RMST: variants seen among roughly 807,000 people sequenced by gnomAD.
RMST encodes the protein long intergenic non-protein coding RNA 54.
intron 11 of RMST, among the ~76,000 whole-genome samples, chr12:97,551,540 G>T (rs544083915): frequency 6.6e-6 from 1 of 152,088 alleles, no homozygotes; most frequent in Non-Finnish European, 1.5e-5. Context: ...TCCACTCTTC[G>T]CTGAATAAGT....
At chr12:97,475,069 G>A (rs557123143) in intron 5 of RMST, among the ~76,000 whole-genome samples, 43 of 152,208 alleles carry the variant, frequency 2.8e-4, no homozygotes, top group Admixed American at 2.2e-3. Context: ...ATATTTAAAC[G>A]TGAAATCTAA....
intron 11 of RMST, among the ~76,000 whole-genome samples, chr12:97,550,722 A>G (rs889791706): frequency 2.6e-5 from 4 of 152,164 alleles, no homozygotes; most frequent in Non-Finnish European, 4.4e-5. Flanking sequence ...CCGTGCCACT[A>G]TGCATCTAGA....
At chr12:97,496,400 TA>T (rs201723744) in intron 10 of RMST, among the ~76,000 whole-genome samples, 2 of 148,456 alleles carry the variant, frequency 1.3e-5, no homozygotes, top group Non-Finnish European at 2.9e-5. Flanking sequence ...ATATCTGGGG[TA>T]AAAAAAATCC....
At chr12:97,493,564 G>T (rs1186780714) in intron 7 of RMST, among the ~76,000 whole-genome samples, 1 of 152,052 alleles carries the variant, frequency 6.6e-6, no homozygotes, top group Non-Finnish European at 1.5e-5. Context: ...CTGTAATTCA[G>T]ATCCTGTGAT....
At chr12:97,515,986 T>C (rs1879888707) in intron 10 of RMST, among the ~76,000 whole-genome samples, 2 of 152,082 alleles carry the variant, frequency 1.3e-5, no homozygotes, top group South Asian at 4.1e-4. Context: ...TATAAACTCT[T>C]TGTTGGTAAT....
At chr12:97,511,901 T>C (rs184356453) in intron 10 of RMST, among the ~76,000 whole-genome samples, 3 of 152,326 alleles carry the variant, frequency 2.0e-5, no homozygotes, top group Admixed American at 6.5e-5. Flanking sequence ...GTTTTAGCTA[T>C]TGGAAACAAT....
chr12:97,531,684 A>G (rs903955145), intron 11 of RMST, among the ~76,000 whole-genome samples: 2 of 151,994 alleles, frequency 1.3e-5, no homozygotes, highest in Non-Finnish European at 2.9e-5. Flanking sequence ...TCACACCACC[A>G]TTACAATATC....
At chr12:97,485,212 A>G (rs886605627) in intron 5 of RMST, among the ~76,000 whole-genome samples, 7 of 152,194 alleles carry the variant, frequency 4.6e-5, no homozygotes, top group Admixed American at 4.6e-4. Context: ...CCATAGAGTC[A>G]TTTGCATTCC....
chr12:97,482,697 T>TAATA (rs10629655), intron 5 of RMST, among the ~76,000 whole-genome samples: 49,567 of 64,894 alleles, frequency 0.76, 20,010 homozygotes, highest in Middle Eastern at 0.85. Flanking sequence ...ATTATTTATT[T>TAATA]AATAAATAAA....
At position 97,564,263 on chromosome 12, in the gene RMST, A is replaced by C. The variant is rs569244349; in HGVS notation, n.2072A>C. ...CTTTCTTCTGAAACAAAGAAGAAAT[A>C]GACAAATCAGACTTGCCCTCTTGGA... On this transcript the variant is annotated non_coding_transcript_exon_variant, in exon 14 of 14. Coordinates refer to ENST00000640149, the Ensembl canonical transcript of RMST. 6.7e-5 allele frequency: 12 copies of C among 177,912 alleles called. No individual in the cohort carries two copies. In the South Asian group the frequency reaches 1.5e-3, roughly 23 times the overall value. The allele number at this position is 177,912 out of a possible 1,614,324, so 11.0% of individuals were successfully genotyped here. A position where few individuals can be genotyped will look rare whatever the true frequency, so the allele number is the denominator to read the frequency against.
At chr12:97,544,698 C>G (rs1015399606) in intron 11 of RMST, among the ~76,000 whole-genome samples, 6 of 152,066 alleles carry the variant, frequency 3.9e-5, no homozygotes, top group Admixed American at 1.3e-4. Flanking sequence ...ACTAATTTCT[C>G]TGCAATCTAC....
At chr12:97,540,396 T>C (rs1882410695) in intron 11 of RMST, among the ~76,000 whole-genome samples, 1 of 151,788 alleles carries the variant, frequency 6.6e-6, no homozygotes, top group South Asian at 2.1e-4. Context: ...AAGATGTATA[T>C]TTTTGGTTGG....
intron 10 of RMST, among the ~76,000 whole-genome samples, chr12:97,514,197 G>A (rs1358812346): frequency 1.3e-5 from 2 of 152,082 alleles, no homozygotes; most frequent in Non-Finnish European, 2.9e-5. Context: ...TTCTTGCTCT[G>A]TAGTTAATTA....
intron 11 of RMST, among the ~76,000 whole-genome samples, chr12:97,547,490 A>G (rs1883024975): frequency 6.6e-6 from 1 of 152,142 alleles, no homozygotes; most frequent in Admixed American, 6.6e-5. Context: ...TAATGGCTAT[A>G]CTAATATACA....
chr12:97,468,832 A>G (rs1281892995), intron 5 of RMST, among the ~76,000 whole-genome samples: 2 of 152,048 alleles, frequency 1.3e-5, no homozygotes, highest in Non-Finnish European at 2.9e-5. Context: ...ATGGATTTAG[A>G]AAGCATTCAT....
intron 11 of RMST, among the ~76,000 whole-genome samples, chr12:97,543,740 G>A (rs1169019484): frequency 4.0e-5 from 6 of 151,856 alleles, no homozygotes; most frequent in Non-Finnish European, 7.4e-5. Context: ...TTTTATGAAT[G>A]GAAAATGGAA....
intron 11 of RMST, among the ~76,000 whole-genome samples, chr12:97,542,754 G>A (rs1882647632): frequency 6.6e-6 from 1 of 151,990 alleles, no homozygotes; most frequent in African/African-American, 2.4e-5. Context: ...GAGTTTCGGT[G>A]TATTTGGACT....
intron 5 of RMST, among the ~76,000 whole-genome samples, chr12:97,474,897 C>T (rs976951458): frequency 2.6e-5 from 4 of 152,070 alleles, no homozygotes; most frequent in Non-Finnish European, 5.9e-5. Context: ...TATTAGGAGA[C>T]GATACACCTC....
At chr12:97,492,482 G>A (rs1196393437) in exon 6 of RMST, 1 of 158,710 alleles carries the variant, frequency 6.3e-6, no homozygotes, top group Non-Finnish European at 1.4e-5. Context: ...GATGGAGTGA[G>A]TGATGGAATA....
Sources: gnomAD v4.1 joint callset for allele counts (sites outside exome capture counted in the v4.1 genomes callset) on GRCh38, gnomAD v4.1.1 for gene constraint, MANE v1.5 for transcripts, NCBI Gene and HGNC (gene_info 2026-07-23, HGNC 2026-07-21) for gene names.